The following WDFY2 variants were observed in gnomAD, a reference collection of about 807,000 sequenced individuals.
The protein encoded by WDFY2 is WD repeat and FYVE domain-containing protein 2.
In WDFY2, 36 loss-of-function variants were observed where a neutral mutation model predicts 56.4. The observed-to-expected ratio is 0.64, with a 90% confidence interval of 0.49 to 0.84. The LOEUF is 0.84. WDFY2 is among the 40% of genes least tolerant of loss of function. WDFY2 has a pLI of 0.00. For missense variants in WDFY2, 444 were observed against 512.2 expected (o/e 0.87, Z 1.29); for synonymous variants, 176 against 183.7 (o/e 0.96, Z 0.34).
At chr13:51,691,546 A>G (rs1442034507) in intron 3 of WDFY2, among the ~76,000 whole-genome samples, 1 of 151,896 alleles carries the variant, frequency 6.6e-6, no homozygotes, top group East Asian at 1.9e-4. Context: ...GTTCCGTTCC[A>G]TTGATCTATA....
At chr13:51,605,617 G>A (rs1483485692) in intron 1 of WDFY2, among the ~76,000 whole-genome samples, 1 of 152,150 alleles carries the variant, frequency 6.6e-6, no homozygotes, top group African/African-American at 2.4e-5. Flanking sequence ...AATAATTTTG[G>A]TAGAAATGGA....
In WDFY2 at chr13:51,764,449, T is replaced by TAAAC. The variant is rs899161424; in HGVS notation, c.*4688_*4691dup. The TAAAC allele has an allele frequency of 2.0e-5, 3 of 153,020 alleles. No individual in the cohort carries two copies. Among genetic ancestry groups the TAAAC allele is most frequent in the African/African-American group, 7.2e-5 (3 of 41,452 alleles). The allele number at this position is 153,020 out of a possible 1,614,324, so 9.5% of individuals were successfully genotyped here. The stretch of plus-strand genomic sequence containing the variant: ...GACTTTCCAGGCTTCAGAAACAGCA[T>TAAAC]AAACAAACAAAGGCCTGAGAGCTGG... On this transcript the variant is annotated 3_prime_UTR_variant, in exon 12 of 12. Coordinates refer to ENST00000298125, the MANE Select transcript of WDFY2 (RefSeq NM_052950.4).
At chr13:51,723,246 G>C (rs1015766743) in intron 5 of WDFY2, among the ~76,000 whole-genome samples, 1 of 152,026 alleles carries the variant, frequency 6.6e-6, no homozygotes, top group Non-Finnish European at 1.5e-5. Flanking sequence ...AAATATATGG[G>C]TTACTTTTTC....
rs1593490721 is a variant in WDFY2 at position 51,762,167 on chromosome 13, C to A, written c.*2398C>A. On this transcript the variant is annotated 3_prime_UTR_variant, in exon 12 of 12. Transcript: ENST00000298125. ...CTTCCTAAACTTTGAGCTTGGCCTG[C>A]CGGCAGAGAGAGGAACACAGTATTA... is the stretch of plus-strand genomic sequence containing the variant. 1 of 152,264 alleles carries A rather than the reference C, an allele frequency of 6.6e-6. No individual in the cohort carries two copies. The highest frequency in any genetic ancestry group is 6.5e-5 in the Admixed American group (1 of 15,286). 9.4% of individuals were successfully genotyped at this position (152,264 alleles called of 1,614,324 possible).
rs766767988 is a variant in WDFY2, at chr13:51,755,349, T to C, written c.832-9T>C. ...CCACAGTGACCTGTTCTGTGCTTTA[T>C]TTGACAAGACCCCTGAATGGTTGGA... On this transcript the variant is annotated splice_polypyrimidine_tract_variant and intron_variant, in intron 8 of 11. Coordinates refer to ENST00000298125, the MANE Select transcript of WDFY2 (RefSeq NM_052950.4). 1.7e-5 allele frequency: 27 copies of C among 1,614,074 alleles called. No homozygotes were observed. The South Asian group carries it at 2.7e-4, about 16-fold the overall frequency.
At chr13:51,756,917 CAGCT>C (rs929591311) in intron 10 of WDFY2, among the ~76,000 whole-genome samples, 2 of 152,222 alleles carry the variant, frequency 1.3e-5, no homozygotes, top group Admixed American at 1.3e-4. Context: ...CCCAGTTACT[CAGCT>C]GGCTGCTTGT....
At position 51,665,068 on chromosome 13, in the gene WDFY2, G is replaced by A. The variant is rs747590851; in HGVS notation, c.205+4405G>A. On this transcript the variant is annotated intron_variant, in intron 2 of 11. Transcript: ENST00000298125. ...CATCATGTATGGTGAGTGTTTTAAT[G>A]TGGGAAGCAGGCATAATGGGGACAT... Among the ~76,000 whole-genome samples, 3 of 152,178 alleles carry A rather than the reference G, an allele frequency of 2.0e-5. No individual in the cohort carries two copies. In the South Asian group the frequency reaches 6.2e-4, roughly 32 times the overall value.
intron 7 of WDFY2, among the ~76,000 whole-genome samples, chr13:51,742,963 G>T (rs1953008813): frequency 6.6e-6 from 1 of 152,320 alleles, no homozygotes; most frequent in Non-Finnish European, 1.5e-5. Flanking sequence ...TACATGGAGA[G>T]AATTTGTGCT....
intron 7 of WDFY2, among the ~76,000 whole-genome samples, chr13:51,742,442 A>AG (rs1243389090): frequency 1.3e-5 from 2 of 152,068 alleles, no homozygotes; most frequent in Non-Finnish European, 2.9e-5. Flanking sequence ...GAAGGGCAAA[A>AG]AAAAAAAGGT....
At chr13:51,679,416 G>GA (rs1287827047) in intron 3 of WDFY2, among the ~76,000 whole-genome samples, 4 of 151,930 alleles carry the variant, frequency 2.6e-5, no homozygotes, top group Non-Finnish European at 5.9e-5. Context: ...AAGATTTTTT[G>GA]AAAAAGGCCT....
chr13:51,687,023 A>T (rs939471926), intron 3 of WDFY2, among the ~76,000 whole-genome samples: 2 of 151,032 alleles, frequency 1.3e-5, no homozygotes, highest in Non-Finnish European at 3.0e-5. Context: ...CTAAATGAAA[A>T]CACTAATAAT....
chr13:51,584,574 C>T lies in WDFY2; in HGVS notation c.-114C>T, dbSNP rs1953897300. ...GCTATGCTCGCCGGTTTCCGGCGTTCCGCTCCGGCCAGCCAGAGTCTCTGT... is the reference window on the plus strand; with the variant it reads ...GCTATGCTCGCCGGTTTCCGGCGTTTCGCTCCGGCCAGCCAGAGTCTCTGT... On this transcript the variant is annotated 5_prime_UTR_variant, in exon 1 of 12. Coordinates refer to ENST00000298125, the MANE Select transcript of WDFY2 (RefSeq NM_052950.4). 1 of 1,380,642 alleles carries T rather than the reference C, an allele frequency of 7.2e-7. No homozygotes were observed. The highest frequency in any genetic ancestry group is 1.5e-5 in the African/African-American group (1 of 68,296). 85.5% of individuals were successfully genotyped at this position (1,380,642 alleles called of 1,614,324 possible).
At chr13:51,701,152 A>G (rs991707208) in intron 3 of WDFY2, among the ~76,000 whole-genome samples, 1 of 152,252 alleles carries the variant, frequency 6.6e-6, no homozygotes, top group African/African-American at 2.4e-5. Flanking sequence ...TCTTTGAGAA[A>G]TGGTATCACA....
intron 3 of WDFY2, among the ~76,000 whole-genome samples, chr13:51,680,465 T>G (rs1469636991): frequency 6.6e-6 from 1 of 152,154 alleles, no homozygotes; most frequent in African/African-American, 2.4e-5. Flanking sequence ...TCCAGTATGA[T>G]CCTGTCTTAG....
chr13:51,675,822 G>A (rs779299824), intron 3 of WDFY2, among the ~76,000 whole-genome samples: 1 of 152,172 alleles, frequency 6.6e-6, no homozygotes, highest in Non-Finnish European at 1.5e-5. Flanking sequence ...GATTATAGAT[G>A]TTGGGGGAAC....
At chr13:51,630,401 CTT>C (rs1221930539) in intron 1 of WDFY2, among the ~76,000 whole-genome samples, 1 of 150,092 alleles carries the variant, frequency 6.7e-6, no homozygotes, top group Non-Finnish European at 1.5e-5. Context: ...CATCATAAGA[CTT>C]TAAAAAATTA....
At chr13:51,742,613 G>C (rs1413552644) in intron 7 of WDFY2, among the ~76,000 whole-genome samples, 1 of 152,044 alleles carries the variant, frequency 6.6e-6, no homozygotes, top group Non-Finnish European at 1.5e-5. Context: ...ACATAATACT[G>C]TCATTTCTTG....
chr13:51,599,158 C>T (rs1203151985), intron 1 of WDFY2: 2 of 152,342 alleles, frequency 1.3e-5, no homozygotes, highest in Non-Finnish European at 2.9e-5. Flanking sequence ...CTGCCCACCT[C>T]TGCCTCCCAA....
intron 1 of WDFY2, among the ~76,000 whole-genome samples, chr13:51,634,912 A>G (rs1955017217): frequency 6.6e-6 from 1 of 152,000 alleles, no homozygotes; most frequent in South Asian, 2.1e-4. Context: ...AGGAAGCCCT[A>G]AACATTTATT....
Sources: allele counts gnomAD v4.1 joint callset (sites outside exome capture counted in the v4.1 genomes callset), GRCh38; gene constraint gnomAD v4.1.1; transcripts MANE v1.5; gene names NCBI Gene and HGNC (gene_info 2026-07-23, HGNC 2026-07-21).